The following CYP7B1 variants were observed in gnomAD, a reference collection of about 807,000 sequenced individuals.
CYP7B1 encodes cytochrome P450 7B1.
In CYP7B1, 29 loss-of-function variants were observed where a neutral mutation model predicts 42.7. The observed-to-expected ratio is 0.68, with a 90% CI of 0.51 to 0.93. The LOEUF (loss-of-function observed/expected upper bound fraction) is 0.93. Among genes scored for constraint, CYP7B1 ranks in the 40% least tolerant of loss-of-function variants. The probability of loss-of-function intolerance (pLI) is 0.00; values close to 1 mark genes in which losing one functional copy is unlikely to be tolerated. For synonymous variants in CYP7B1, 235 were observed against 218.2 expected (o/e 1.08, Z -0.68); for missense variants, 655 against 600.5 (o/e 1.09, Z -0.95).
chr8:64,717,013 C>A (rs1001793633), intron 1 of CYP7B1, among the ~76,000 whole-genome samples: 1 of 152,216 alleles, frequency 6.6e-6, no homozygotes, highest in Non-Finnish European at 1.5e-5. Context: ...AGTGTGTACA[C>A]TTTCAGCATG....
chr8:64,737,366 T>C (rs1372091274), intron 1 of CYP7B1, among the ~76,000 whole-genome samples: 1 of 152,206 alleles, frequency 6.6e-6, no homozygotes, highest in Non-Finnish European at 1.5e-5. Flanking sequence ...AACAGCTACA[T>C]TGGCAAGTCT....
At chr8:64,720,130 A>G (rs942913172) in intron 1 of CYP7B1, among the ~76,000 whole-genome samples, 3 of 152,206 alleles carry the variant, frequency 2.0e-5, no homozygotes, top group Admixed American at 2.0e-4. Flanking sequence ...GTAGAAAAAC[A>G]CTGAATAGCT....
intron 1 of CYP7B1, among the ~76,000 whole-genome samples, chr8:64,682,456 G>A (rs1806553468): frequency 6.6e-6 from 1 of 152,236 alleles, no homozygotes; most frequent in Non-Finnish European, 1.5e-5. Context: ...TTTCTGATCA[G>A]ATATTTCCTC....
chr8:64,625,262 C>T (rs914293826), intron 1 of CYP7B1, among the ~76,000 whole-genome samples: 10 of 152,238 alleles, frequency 6.6e-5, no homozygotes, highest in South Asian at 4.1e-4. Context: ...CGTGAGCCAC[C>T]GCGCCCAGCC....
chr8:64,783,523 A>G lies in CYP7B1; in HGVS notation c.122+14943T>C, dbSNP rs967048589. Among the ~76,000 whole-genome samples the G allele has an allele frequency of 7.9e-5, 12 of 151,100 alleles. 1 individual carries two copies. The highest frequency in any genetic ancestry group is 7.9e-4 in the Admixed American group (12 of 15,146). On this transcript the variant is annotated intron_variant, in intron 1 of 5. Transcript: ENST00000310193. ...ATGTCGGGTGAGAGGGCTGAAAGAG[A>G]GAAAAAATTCCATACTACTTTTTTT... is the stretch of plus-strand genomic sequence containing the variant.
chr8:64,751,880 T>G (rs1383999643), intron 1 of CYP7B1, among the ~76,000 whole-genome samples: 1 of 152,306 alleles, frequency 6.6e-6, no homozygotes, highest in Admixed American at 6.5e-5. Flanking sequence ...GACCTTTTAA[T>G]CTCTCTAATA....
chr8:64,680,437 C>G (rs963660947), intron 1 of CYP7B1, among the ~76,000 whole-genome samples: 4 of 152,070 alleles, frequency 2.6e-5, no homozygotes, highest in Middle Eastern at 3.2e-3. Flanking sequence ...AGGTCTGTGC[C>G]TGAAGGACAG....
intron 1 of CYP7B1, among the ~76,000 whole-genome samples, chr8:64,633,501 A>C (rs1330535907): frequency 1.3e-5 from 2 of 152,230 alleles, no homozygotes; most frequent in African/African-American, 4.8e-5. Flanking sequence ...AATACTACTT[A>C]CATTAATCAA....
At chr8:64,687,476 T>C (rs548445668) in intron 1 of CYP7B1, among the ~76,000 whole-genome samples, 1 of 152,278 alleles carries the variant, frequency 6.6e-6, no homozygotes, top group East Asian at 1.9e-4. Flanking sequence ...GAAAATGTTC[T>C]AAAATGAAAA....
intron 4 of CYP7B1, 132 bp from the exon 5 acceptor site, chr8:64,604,989 C>A: frequency 9.1e-7 from 1 of 1,095,894 alleles, no homozygotes; most frequent in Non-Finnish European, 1.3e-6. Flanking sequence ...ATACATTGAG[C>A]ACCAAGAGGG....
chr8:64,718,773 A>T (rs1310857830), intron 1 of CYP7B1, among the ~76,000 whole-genome samples: 1 of 152,158 alleles, frequency 6.6e-6, no homozygotes, highest in African/African-American at 2.4e-5. Context: ...TAAGGGTCAC[A>T]TTTGCATCTG....
chr8:64,615,098 T>C lies in CYP7B1; in HGVS notation c.985A>G (p.Thr329Ala). The change falls in exon 4 of 6, where the codon ACA (threonine) becomes GCA (alanine). Residue 329 changes from threonine (T) to alanine (A), a missense_variant. Physicochemically the swap from Thr to Ala is moderately conservative, Grantham distance 58 (BLOSUM62 0). Coordinates refer to ENST00000310193, the MANE Select transcript of CYP7B1 (RefSeq NM_004820.5). ...AATCCAGACCCTTTCTTTTGACCTGTTGACTGCAGCAAACGGTCAATTTCG... is the reference window on the plus strand; with the variant it reads ...AATCCAGACCCTTTCTTTTGACCTGCTGACTGCAGCAAACGGTCAATTTCG... ...RDEIDRLLQS[T>A]GQKKGSGFPI... The C allele has an allele frequency of 3.7e-6, 6 of 1,613,776 alleles. No individual in the cohort carries two copies. The highest frequency in any genetic ancestry group is 5.1e-6 in the Non-Finnish European group (6 of 1,179,796).
chr8:64,675,929 G>C (rs375049676), intron 1 of CYP7B1, among the ~76,000 whole-genome samples: 2 of 152,088 alleles, frequency 1.3e-5, no homozygotes, highest in African/African-American at 4.8e-5. Context: ...CCCCCAGGGG[G>C]GTCTCTGAGG....
chr8:64,708,643 A>C (rs902107099), intron 1 of CYP7B1, among the ~76,000 whole-genome samples: 1 of 152,214 alleles, frequency 6.6e-6, no homozygotes, highest in East Asian at 1.9e-4. Flanking sequence ...CTTTTAAACT[A>C]AATGTATTGC....
intron 1 of CYP7B1, among the ~76,000 whole-genome samples, chr8:64,710,746 C>T (rs780884274): frequency 2.0e-5 from 3 of 151,202 alleles, no homozygotes; most frequent in Non-Finnish European, 4.4e-5. Flanking sequence ...TACAAAACAC[C>T]TTGTAAAATA....
At position 64,649,429 on chromosome 8, in the gene CYP7B1, T is replaced by C. The variant is rs79531664; in HGVS notation, c.123-24890A>G. Among the ~76,000 whole-genome samples the C allele has an allele frequency of 8.2e-3, 1,257 of 152,368 alleles. 9 individuals are homozygous for C. The highest frequency in any genetic ancestry group is 0.013 in the Non-Finnish European group (888 of 68,028). ...GCTATATAACATTCTTTTGTATGTA[T>C]GTACCATGTTTTCTTTATCCATTCA... On this transcript the variant is annotated intron_variant, in intron 1 of 5. Transcript: ENST00000310193.
chr8:64,731,647 G>T (rs535343056), intron 1 of CYP7B1, among the ~76,000 whole-genome samples: 9 of 152,348 alleles, frequency 5.9e-5, no homozygotes, highest in African/African-American at 1.9e-4. Context: ...TAATCACAAA[G>T]ACAGTGGGGA....
chr8:64,753,230 A>AT (rs879606043), intron 1 of CYP7B1, among the ~76,000 whole-genome samples: 4 of 152,128 alleles, frequency 2.6e-5, no homozygotes, highest in Admixed American at 2.6e-4. Flanking sequence ...TATTAATAGC[A>AT]TTTTTTTCAA....
At chr8:64,641,607 T>G (rs1401326956) in intron 1 of CYP7B1, among the ~76,000 whole-genome samples, 1 of 152,170 alleles carries the variant, frequency 6.6e-6, no homozygotes, top group Admixed American at 6.6e-5. Context: ...AACTTGATAG[T>G]TCTTAAAGGT....
Sources: allele counts gnomAD v4.1 joint callset (sites outside exome capture counted in the v4.1 genomes callset), GRCh38; gene constraint gnomAD v4.1.1; transcripts MANE v1.5; gene names NCBI Gene and HGNC (gene_info 2026-07-23, HGNC 2026-07-21).